Variants in SOX5 observed in about 807,000 individuals in gnomAD.
The protein encoded by SOX5 is transcription factor SOX-5.
Under a neutral mutation model 92.0 loss-of-function variants are expected in SOX5, and 9 were observed. That is an observed-to-expected ratio of 0.10 (90% CI 0.06 to 0.17). SOX5 has a LOEUF of 0.17. Ranked by LOEUF, SOX5 falls within the 10% of genes least tolerant of loss-of-function variation. The probability of loss-of-function intolerance (pLI) is 1.00; values close to 1 mark genes in which losing one functional copy is unlikely to be tolerated. For missense variants in SOX5, 642 were observed against 944.5 expected, an observed-to-expected ratio of 0.68 and a Z score of 4.20; for synonymous variants, 344 against 336.3, an observed-to-expected ratio of 1.02 and a Z score of -0.25.
intron 4 of SOX5, among the ~76,000 whole-genome samples, chr12:23,984,301 T>C (rs767881260): frequency 8.2e-4 from 125 of 152,234 alleles, no homozygotes; most frequent in African/African-American, 1.9e-3. Flanking sequence ...GGAGCAAGTT[T>C]AGATTAAAAG....
chr12:23,845,846 C>A, intron 3 of SOX5, 137 bp downstream of exon 3: 1 of 677,372 alleles, frequency 1.5e-6, no homozygotes, highest in Non-Finnish European at 2.6e-6. Flanking sequence ...AATATACCAA[C>A]CGTCTTCATA....
chr12:23,762,885 C>T (rs2094603169), intron 3 of SOX5, among the ~76,000 whole-genome samples: 1 of 152,110 alleles, frequency 6.6e-6, no homozygotes, highest in Admixed American at 6.5e-5. Context: ...CAAAAATCTC[C>T]ACTAAAAGAT....
At chr12:24,375,510 G>A (rs1378475078) in intron 1 of SOX5, among the ~76,000 whole-genome samples, 1 of 151,598 alleles carries the variant, frequency 6.6e-6, no homozygotes, top group Non-Finnish European at 1.5e-5. Context: ...CGAGGCAGGT[G>A]GATCACCTGA....
intron 3 of SOX5, among the ~76,000 whole-genome samples, chr12:23,822,285 C>T (rs12310519): frequency 0.17 from 26,020 of 152,080 alleles, 2,455 homozygotes; most frequent in African/African-American, 0.25. Context: ...CCTCTAAATA[C>T]TTGCTTTAGC....
chr12:24,095,421 T>A (rs1193410458), intron 4 of SOX5, among the ~76,000 whole-genome samples: 1 of 12,712 alleles, frequency 7.9e-5, no homozygotes, highest in African/African-American at 1.3e-4. Context: ...GCCCTCTCCC[T>A]TATTTATTTA....
At chr12:23,911,922 A>C (rs1009681864) in intron 1 of SOX5, among the ~76,000 whole-genome samples, 1 of 152,156 alleles carries the variant, frequency 6.6e-6, no homozygotes, top group East Asian at 1.9e-4. Flanking sequence ...CCAAACACAC[A>C]AGTGACAAAA....
At chr12:24,168,992 G>T (rs1471119238) in intron 4 of SOX5, among the ~76,000 whole-genome samples, 1 of 151,978 alleles carries the variant, frequency 6.6e-6, no homozygotes, top group Non-Finnish European at 1.5e-5. Flanking sequence ...AATAAGATAG[G>T]GTAGGTGTAG....
chr12:24,394,630 T>C (rs1329952217), intron 1 of SOX5, among the ~76,000 whole-genome samples: 1 of 152,248 alleles, frequency 6.6e-6, no homozygotes, highest in Non-Finnish European at 1.5e-5. Context: ...TTAATATTTG[T>C]ACAAATATCC....
intron 4 of SOX5, among the ~76,000 whole-genome samples, chr12:24,019,872 C>G (rs545892917): frequency 6.6e-6 from 1 of 152,102 alleles, no homozygotes. Flanking sequence ...CTACGAGAAG[C>G]AGTTGAGGGA....
chr12:24,103,200 T>G lies in SOX5; in HGVS notation c.-2+110143A>C, dbSNP rs573703734. On this transcript the variant is annotated intron_variant, in intron 4 of 4. Coordinates refer to the SOX5 transcript ENST00000446891. ...AGAGGTTCATATACAAGGAACAAAT[T>G]AAGGAACATTATGAGTAAATTGTGG... 4.6e-5 allele frequency among the ~76,000 whole-genome samples: 7 copies of G among 152,314 alleles called. No homozygotes were observed. The East Asian group carries it at 1.2e-3, about 25-fold the overall frequency.
In SOX5 at chr12:24,557,314, G is replaced by C. The variant is rs532797513; in HGVS notation, c.-251+5015C>G. ...GAGGCACAAGAATCCCTTGAACCCA[G>C]GAGGCGGAGGGTTCAACATCCCTCC... On this transcript the variant is annotated intron_variant, in intron 1 of 4. Transcript: ENST00000446891. Among the ~76,000 whole-genome samples the C allele has an allele frequency of 3.3e-5, 5 of 151,648 alleles. 1 individual carries two copies. In the South Asian group the frequency reaches 1.0e-3, roughly 32 times the overall value.
At chr12:23,861,016 A>T (rs1379083920) in intron 2 of SOX5, among the ~76,000 whole-genome samples, 1 of 151,482 alleles carries the variant, frequency 6.6e-6, no homozygotes, top group East Asian at 1.9e-4. Flanking sequence ...CACCTATAGA[A>T]TATGTCAAAC....
intron 2 of SOX5, among the ~76,000 whole-genome samples, chr12:24,288,317 G>A (rs946809103): frequency 6.6e-6 from 1 of 152,154 alleles, no homozygotes; most frequent in Non-Finnish European, 1.5e-5. Context: ...CCCTGGATTA[G>A]CAGTATTTTC....
intron 4 of SOX5, among the ~76,000 whole-genome samples, chr12:24,076,699 C>CTTTTTT (rs11302877): frequency 8.7e-5 from 9 of 102,862 alleles, no homozygotes; most frequent in African/African-American, 1.5e-4. Flanking sequence ...CCAAAGCTGC[C>CTTTTTT]TTTTTTTTTT....
intron 1 of SOX5, among the ~76,000 whole-genome samples, chr12:24,508,964 A>G (rs1305065235): frequency 6.6e-6 from 1 of 152,212 alleles, no homozygotes; most frequent in Non-Finnish European, 1.5e-5. Flanking sequence ...AATGAGGAAA[A>G]GAAAGTTCGG....
chr12:24,179,485 C>T (rs1247149821), intron 4 of SOX5, among the ~76,000 whole-genome samples: 1 of 152,160 alleles, frequency 6.6e-6, no homozygotes, highest in Non-Finnish European at 1.5e-5. Context: ...TCCTAGTCAA[C>T]CACGCAACCA....
chr12:23,681,385 T>C (rs2086604264), intron 6 of SOX5, among the ~76,000 whole-genome samples: 1 of 151,768 alleles, frequency 6.6e-6, no homozygotes, highest in Admixed American at 6.6e-5. Context: ...AAAGTATGAA[T>C]TAAATGACAG....
At chr12:23,824,496 C>T (rs1295560446) in intron 3 of SOX5, among the ~76,000 whole-genome samples, 4 of 152,198 alleles carry the variant, frequency 2.6e-5, no homozygotes, top group Non-Finnish European at 5.9e-5. Flanking sequence ...CTGAAAGCTT[C>T]GTCCCAGAGG....
intron 1 of SOX5, among the ~76,000 whole-genome samples, chr12:23,909,763 C>T (rs112444128): frequency 6.6e-6 from 1 of 151,908 alleles, no homozygotes; most frequent in Non-Finnish European, 1.5e-5. Flanking sequence ...GATAAAGAAG[C>T]CTTGATGGAG....
Sources: allele counts gnomAD v4.1 joint callset (sites outside exome capture counted in the v4.1 genomes callset), GRCh38; gene constraint gnomAD v4.1.1; transcripts MANE v1.5; gene names NCBI Gene and HGNC (gene_info 2026-07-23, HGNC 2026-07-21).